Variants in ECE1 observed in about 807,000 individuals in gnomAD.
ECE1 encodes endothelin-converting enzyme 1.
ECE1 carries 35 observed loss-of-function variants against 98.6 expected under a neutral mutation model. The ratio of observed to expected loss-of-function variants is 0.35; its 90% CI spans 0.27 to 0.47. The LOEUF is 0.47. Ranked by LOEUF, ECE1 falls within the 20% of genes least tolerant of loss-of-function variation. The probability of loss-of-function intolerance (pLI) is 1.00; values close to 1 mark genes in which losing one functional copy is unlikely to be tolerated. For missense variants in ECE1, 814 were observed against 1,025.3 expected (o/e 0.79, Z 2.81); for synonymous variants, 394 against 407.1 (o/e 0.97, Z 0.39).
At chr1:21,305,548 C>G (rs531207962) in intron 1 of ECE1, among the ~76,000 whole-genome samples, 21 of 152,124 alleles carry the variant, frequency 1.4e-4, no homozygotes, top group Non-Finnish European at 2.6e-4. Flanking sequence ...CAGGGTCGCT[C>G]AGACCACCGG....
intron 1 of ECE1, among the ~76,000 whole-genome samples, chr1:21,320,672 G>A (rs564440976): frequency 6.0e-4 from 91 of 152,324 alleles, no homozygotes; most frequent in Middle Eastern, 3.4e-3. Flanking sequence ...CCTGAAGGAC[G>A]CACGTGTCTG....
intron 1 of ECE1, among the ~76,000 whole-genome samples, chr1:21,303,601 T>C (rs1362621947): frequency 6.6e-6 from 1 of 152,218 alleles, no homozygotes; most frequent in African/African-American, 2.4e-5. Flanking sequence ...AAACTGGCCA[T>C]CTGGCCCACA....
intron 2 of ECE1, chr1:21,279,695 C>T (rs1271797122): frequency 2.2e-6 from 3 of 1,377,902 alleles, no homozygotes; most frequent in Non-Finnish European, 2.8e-6. Context: ...GAGTACCCAG[C>T]TGGGCTCTCT....
chr1:21,309,290 G>C (rs1244694692), intron 1 of ECE1, among the ~76,000 whole-genome samples: 1 of 152,208 alleles, frequency 6.6e-6, no homozygotes, highest in Non-Finnish European at 1.5e-5. Context: ...CAGACTGCTG[G>C]CGTTCAAACC....
rs776546181 is a variant in ECE1 at position 21,245,028 on chromosome 1, G to A, written c.1239C>T (p.Ala413=). 2.0e-5 allele frequency: 33 copies of A among 1,614,020 alleles called. No homozygotes were observed. The highest frequency in any genetic ancestry group is 4.0e-5 in the African/African-American group (3 of 74,912). ...SSFLDQRFQD[A]DEKFMEVMYG... is the part of the protein sequence containing the mutation. ...ACATGACTTCCATGAACTTCTCATC[G>A]GCGTCCTGAAAGCGCTGGTCAAGGA... The change falls in exon 10 of 19, where the codon GCC becomes GCT. Residue 413 remains alanine, a synonymous_variant. Coordinates refer to ENST00000374893, the MANE Select transcript of ECE1 (RefSeq NM_001397.3).
intron 6 of ECE1, 44 bp from the exon 7 acceptor site, chr1:21,257,634 C>G (rs775397983): frequency 6.3e-7 from 1 of 1,593,310 alleles, no homozygotes; most frequent in Non-Finnish European, 8.6e-7. Context: ...TGTTGCAATG[C>G]GTGTATCCAC....
intron 1 of ECE1, among the ~76,000 whole-genome samples, chr1:21,295,680 T>G (rs1162891110): frequency 6.6e-6 from 1 of 152,272 alleles, no homozygotes; most frequent in Non-Finnish European, 1.5e-5. Context: ...AGCTTTTTCC[T>G]TGTCCACATT....
chr1:21,258,969 A>ATCCTTTCCTTTGCTCTTG lies in ECE1; in HGVS notation c.616-131_616-130insCAAGAGCAAAGGAAAGGA. ...CTGACCTCTCTGAGCCTCAAGAGCA[A>ATCCTTTCCTTTGCTCTTG]AGGAAAGGATTGGTCTTCATCGGGG... is the stretch of plus-strand genomic sequence containing the variant. On this transcript the variant is annotated intron_variant, in intron 5 of 18. Coordinates refer to ENST00000374893, the MANE Select transcript of ECE1 (RefSeq NM_001397.3). The surrounding 1 kb of genome is among the most constrained non-coding windows in gnomAD (Gnocchi z 4.2). 1 of 1,326,204 alleles carries ATCCTTTCCTTTGCTCTTG rather than the reference A, an allele frequency of 7.5e-7. No individual in the cohort carries two copies. The highest frequency in any genetic ancestry group is 1.0e-6 in the Non-Finnish European group (1 of 963,496). The allele number at this position is 1,326,204 out of a possible 1,614,324, so 82.2% of individuals were successfully genotyped here. A position where few individuals can be genotyped will look rare whatever the true frequency, so the allele number is the denominator to read the frequency against.
At chr1:21,257,705 T>C in intron 6 of ECE1, 115 bp from the exon 7 acceptor site, 1 of 1,103,186 alleles carries the variant, frequency 9.1e-7, no homozygotes, top group Non-Finnish European at 1.4e-6. Context: ...GCTCAGGCCC[T>C]TGGAGAAGCA....
chr1:21,257,794 C>A (rs78407131), intron 6 of ECE1, among the ~76,000 whole-genome samples: 2 of 152,024 alleles, frequency 1.3e-5, no homozygotes, highest in Non-Finnish European at 2.9e-5. Flanking sequence ...GGCCCCCCCC[C>A]GCAGGGCTCC....
chr1:21,220,623 CCT>C lies in ECE1; in HGVS notation c.2137-494_2137-493del, dbSNP rs2098166139. Among the ~76,000 whole-genome samples, 1 of 152,036 alleles carries C rather than the reference CCT, an allele frequency of 6.6e-6. No homozygotes were observed. The highest frequency in any genetic ancestry group is 1.5e-5 in the Non-Finnish European group (1 of 68,008). On this transcript the variant is annotated intron_variant, in intron 18 of 18. Transcript: ENST00000374893. This position sits in a 1 kb window ranked among gnomAD's most constrained non-coding sequence, Gnocchi z 5.0. ...ACCGGCCTGACAAACATGGTGAAAC[CCT>C]GTCTCTACTAAAAATACAAAAATTA...
At chr1:21,279,545 G>C (rs1558409784) in intron 2 of ECE1, 1 of 1,450,510 alleles carries the variant, frequency 6.9e-7, no homozygotes, top group South Asian at 1.5e-5. Context: ...AAACATCAGA[G>C]AGTCAAGCAG....
chr1:21,268,730 G>A lies in ECE1; in HGVS notation c.493+3969C>T, dbSNP rs112799367. On this transcript the variant is annotated intron_variant, in intron 4 of 18. Transcript: ENST00000374893. ...TGCCCATCAGCTCTGGCTCCCTTCCGACGCCTGTTGGCTGACCCCTTTGTC... is the reference window on the plus strand; with the variant it reads ...TGCCCATCAGCTCTGGCTCCCTTCCAACGCCTGTTGGCTGACCCCTTTGTC... Among the ~76,000 whole-genome samples the A allele has an allele frequency of 8.5e-5, 13 of 152,244 alleles. 1 individual carries two copies. The highest frequency in any genetic ancestry group is 2.9e-4 in the African/African-American group (12 of 41,538).
intron 3 of ECE1, among the ~76,000 whole-genome samples, chr1:21,275,342 C>A (rs943807484): frequency 2.0e-5 from 3 of 152,118 alleles, no homozygotes; most frequent in African/African-American, 7.2e-5. Flanking sequence ...TGCCTGTAAT[C>A]CCAGCACTCT....
chr1:21,238,492 T>C (rs1573948231), intron 10 of ECE1: 3 of 572,154 alleles, frequency 5.2e-6, no homozygotes, highest in East Asian at 6.0e-5. Context: ...CGTTGAGCCA[T>C]TCAATGACCC....
intron 1 of ECE1, among the ~76,000 whole-genome samples, chr1:21,336,492 C>T (rs1294520995): frequency 6.6e-6 from 1 of 151,694 alleles, no homozygotes; most frequent in African/African-American, 2.4e-5. Flanking sequence ...GTCAGGAGTT[C>T]GAGACCAGGC....
chr1:21,330,311 C>T (rs1320256019), intron 1 of ECE1, among the ~76,000 whole-genome samples: 2 of 144,502 alleles, frequency 1.4e-5, no homozygotes, highest in Non-Finnish European at 3.0e-5. Context: ...TCTCCACTCA[C>T]TGCAACCTCT....
At chr1:21,248,529 C>T (rs2098207325) in intron 8 of ECE1, among the ~76,000 whole-genome samples, 1 of 152,132 alleles carries the variant, frequency 6.6e-6, no homozygotes, top group Non-Finnish European at 1.5e-5. Flanking sequence ...GGGGCTTCCT[C>T]TCCTCACAGA....
intron 4 of ECE1, among the ~76,000 whole-genome samples, chr1:21,268,957 A>G (rs1166137925): frequency 6.6e-6 from 1 of 152,210 alleles, no homozygotes; most frequent in Non-Finnish European, 1.5e-5. Context: ...ACCCCAGGAT[A>G]TGTCTTCCGG....
Sources: allele counts gnomAD v4.1 joint callset (sites outside exome capture counted in the v4.1 genomes callset), GRCh38; gene constraint gnomAD v4.1.1; non-coding constraint Gnocchi (gnomAD v3.1); transcripts MANE v1.5; gene names NCBI Gene and HGNC (gene_info 2026-07-23, HGNC 2026-07-21).